ZNF728: variants seen among roughly 807,000 people sequenced by gnomAD.
ZNF728 encodes the protein zinc finger protein 728.
A neutral mutation model predicts 12.5 loss-of-function variants in ZNF728; 12 were observed. The observed-to-expected ratio is 0.96, with a 90% CI of 0.61 to 1.55. ZNF728 has a LOEUF of 1.55. Among genes scored for constraint, ZNF728 ranks in the 40% most tolerant of loss-of-function variants. The pLI, the probability that ZNF728 is intolerant of heterozygous loss-of-function variation, is 0.00. For missense variants in ZNF728, 692 were observed against 719.2 expected (o/e 0.96, Z 0.43); for synonymous variants, 205 against 240.7 (o/e 0.85, Z 1.37).
Position 22,994,579 on chromosome 19 carries a change from C to T in ZNF728, c.4-6128G>A, listed in dbSNP as rs1969029172. ...GTAGAATTTACAGCACCATGTCATACATAGTTCATCCTAAATTCATCTGGT... is the reference window on the plus strand; with the variant it reads ...GTAGAATTTACAGCACCATGTCATATATAGTTCATCCTAAATTCATCTGGT... On this transcript the variant is annotated intron_variant, in intron 1 of 3. Coordinates refer to ENST00000594710, the MANE Select transcript of ZNF728 (RefSeq NM_001267716.2). Among the ~76,000 whole-genome samples, 5 of 152,322 alleles carry T rather than the reference C, an allele frequency of 3.3e-5. No homozygotes were observed. In the South Asian group the frequency reaches 1.0e-3, roughly 32 times the overall value.
intron 1 of ZNF728, among the ~76,000 whole-genome samples, chr19:22,994,304 C>T (rs927647806): frequency 1.3e-5 from 2 of 152,096 alleles, no homozygotes; most frequent in African/African-American, 2.4e-5. Flanking sequence ...GACTGGAAGC[C>T]GAAAAGGCCC....
At chr19:22,997,193 A>C (rs1969059044) in intron 1 of ZNF728, among the ~76,000 whole-genome samples, 1 of 152,202 alleles carries the variant, frequency 6.6e-6, no homozygotes, top group African/African-American at 2.4e-5. Flanking sequence ...TAAAAATACC[A>C]TAATATACAT....
At chr19:22,986,262 GACGT>G (rs1230220608) in intron 3 of ZNF728, among the ~76,000 whole-genome samples, 1 of 151,980 alleles carries the variant, frequency 6.6e-6, no homozygotes, top group African/African-American at 2.4e-5. Flanking sequence ...CACAGCACTT[GACGT>G]ATGTGGAAGA....
intron 1 of ZNF728, among the ~76,000 whole-genome samples, chr19:22,998,757 A>G (rs1223057639): frequency 6.6e-6 from 1 of 152,252 alleles, no homozygotes; most frequent in Non-Finnish European, 1.5e-5. Context: ...CATATAGATA[A>G]TAAATAGCTG....
intron 3 of ZNF728, among the ~76,000 whole-genome samples, chr19:22,981,931 T>A (rs2145336446): frequency 6.6e-6 from 1 of 152,218 alleles, no homozygotes; most frequent in Admixed American, 6.5e-5. Context: ...TCATACTGAA[T>A]GGCCAAAAAC....
chr19:23,001,901 G>A (rs891784245), intron 1 of ZNF728, among the ~76,000 whole-genome samples: 3 of 152,202 alleles, frequency 2.0e-5, no homozygotes, highest in Non-Finnish European at 4.4e-5. Flanking sequence ...ATGGACTTGA[G>A]GCCCTACTTG....
chr19:22,977,452 T>C (rs764407433), intron 3 of ZNF728, among the ~76,000 whole-genome samples: 207 of 152,306 alleles, frequency 1.4e-3, no homozygotes, highest in Non-Finnish European at 2.6e-3. Flanking sequence ...CTGTTTTTTT[T>C]TCTAAAGGCA....
At chr19:22,978,320 A>T (rs1968827245) in intron 3 of ZNF728, among the ~76,000 whole-genome samples, 1 of 149,914 alleles carries the variant, frequency 6.7e-6, no homozygotes, top group Non-Finnish European at 1.5e-5. Flanking sequence ...AAAAAAAAAT[A>T]GCTATCAAGT....
In ZNF728 at chr19:23,000,928, C is replaced by T. The variant is rs114115667; in HGVS notation, c.3+2100G>A. Among the ~76,000 whole-genome samples the T allele has an allele frequency of 4.7e-3, 682 of 146,352 alleles. 6 individuals carry two copies. The highest frequency in any genetic ancestry group is 0.014 in the African/African-American group (560 of 39,690). On this transcript the variant is annotated intron_variant, in intron 1 of 3. Transcript: ENST00000594710. The stretch of plus-strand genomic sequence containing the variant: ...CTGAGGTCAAAATAAGTGAACAATG[C>T]ATTTAATCATGTCAAGGTACGGATA...
intron 3 of ZNF728, among the ~76,000 whole-genome samples, chr19:22,986,564 C>T (rs888572058): frequency 6.6e-6 from 1 of 151,926 alleles, no homozygotes; most frequent in Non-Finnish European, 1.5e-5. Context: ...AAAAACTTTT[C>T]AAGTGAAAGA....
chr19:22,986,188 C>A lies in ZNF728; in HGVS notation c.226+1120G>T, dbSNP rs564410536. On this transcript the variant is annotated intron_variant, in intron 3 of 3. Coordinates refer to ENST00000594710, the MANE Select transcript of ZNF728 (RefSeq NM_001267716.2). ...TTATAAAAACTTTAAGAGGTGTTTG[C>A]GCCTTCAAATTGAGACACCAATGGA... is the stretch of plus-strand genomic sequence containing the variant. 3.3e-5 allele frequency among the ~76,000 whole-genome samples: 5 copies of A among 152,196 alleles called. No homozygotes were observed. In the South Asian group the frequency reaches 6.2e-4, roughly 19 times the overall value.
Position 22,988,336 on chromosome 19 carries a change from A to G in ZNF728, c.119T>C (p.Leu40Pro), listed in dbSNP as rs182248281. The change falls in exon 2 of 4, where the codon CTG becomes CCG. Residue 40 changes from leucine (L) to proline (P), a missense_variant. Physicochemically the swap from Leu to Pro is moderately conservative, Grantham distance 98. Coordinates refer to ENST00000594710, the MANE Select transcript of ZNF728 (RefSeq NM_001267716.2). ...RNVMLENYRN[L>P]VFLGIAAPKP... ...AAAGTTATTCTCACCCAGGAAGACC[A>G]GGTTTCTGTAGTTCTCTAACATCAC... is the stretch of plus-strand genomic sequence containing the variant. 3 of 1,614,144 alleles carry G rather than the reference A, an allele frequency of 1.9e-6. No individual in the cohort carries two copies. The African/African-American group carries it at 4.0e-5, about 22-fold the overall frequency.
chr19:23,003,119 C>G lies in ZNF728; in HGVS notation c.-89G>C. The stretch of plus-strand genomic sequence containing the variant: ...GCCATAGAAGCTGGGCCTTTAGGAG[C>G]GGACGACACACAGCAGTAAGGACGA... On this transcript the variant is annotated 5_prime_UTR_variant, in exon 1 of 4. Coordinates refer to ENST00000594710, the MANE Select transcript of ZNF728 (RefSeq NM_001267716.2). The G allele has an allele frequency of 6.9e-7, 1 of 1,455,074 alleles. No individual in the cohort carries two copies. The highest frequency in any genetic ancestry group is 1.4e-5 in the African/African-American group (1 of 69,100). The allele number at this position is 1,455,074 out of a possible 1,614,324, so 90.1% of individuals were successfully genotyped here. A position where few individuals can be genotyped will look rare whatever the true frequency, so the allele number is the denominator to read the frequency against.
chr19:22,980,347 T>C (rs1968849421), intron 3 of ZNF728, among the ~76,000 whole-genome samples: 1 of 152,142 alleles, frequency 6.6e-6, no homozygotes, highest in South Asian at 2.1e-4. Flanking sequence ...TAAATATGTA[T>C]GCACCCAATA....
intron 3 of ZNF728, chr19:22,985,612 A>T (rs1968907813): frequency 6.6e-6 from 1 of 152,174 alleles, no homozygotes. Context: ...CAGACCAGAA[A>T]ATGTCCCACC....
chr19:22,985,807 A>G (rs1268461375), intron 3 of ZNF728: 1 of 152,750 alleles, frequency 6.5e-6, no homozygotes, highest in African/African-American at 2.4e-5. Context: ...CAGCTTCCTA[A>G]GCCACAGTTC....
At chr19:22,989,653 A>T (rs1211014095) in intron 1 of ZNF728, among the ~76,000 whole-genome samples, 3 of 152,224 alleles carry the variant, frequency 2.0e-5, no homozygotes, top group Non-Finnish European at 2.9e-5. Context: ...CAAAAGGTAA[A>T]TTATAGTCTG....
intron 1 of ZNF728, among the ~76,000 whole-genome samples, chr19:22,996,601 G>C (rs1969052223): frequency 1.4e-5 from 2 of 144,166 alleles, no homozygotes; most frequent in Non-Finnish European, 3.0e-5. Context: ...CTAGTTTAAA[G>C]ACTAAAGAAA....
At chr19:22,998,337 T>C (rs1026091230) in intron 1 of ZNF728, among the ~76,000 whole-genome samples, 32 of 145,996 alleles carry the variant, frequency 2.2e-4, no homozygotes, top group Non-Finnish European at 3.0e-5. Context: ...ATGGACAACA[T>C]AGCAAAATCC....
Sources: allele counts gnomAD v4.1 joint callset (sites outside exome capture counted in the v4.1 genomes callset), GRCh38; gene constraint gnomAD v4.1.1; transcripts MANE v1.5; gene names NCBI Gene and HGNC (gene_info 2026-07-23, HGNC 2026-07-21).